The following DNAAF9 variants were observed in gnomAD, a reference collection of about 807,000 sequenced individuals.
DNAAF9 encodes the protein dynein axonemal assembly factor 9, also known as shulin.
DNAAF9 carries 90 observed loss-of-function variants against 167.0 expected under a neutral mutation model. The observed-to-expected ratio is 0.54, with a 90% CI of 0.45 to 0.64. The LOEUF is 0.64. Ranked by LOEUF, DNAAF9 falls within the 30% of genes least tolerant of loss-of-function variation. DNAAF9 has a pLI of 0.00. For missense variants in DNAAF9, 1,315 were observed against 1,442.2 expected, an observed-to-expected ratio of 0.91 and a Z score of 1.43; for synonymous variants, 491 against 508.8, an observed-to-expected ratio of 0.96 and a Z score of 0.47.
At chr20:3,350,926 T>A (rs1369670504) in intron 7 of DNAAF9, among the ~76,000 whole-genome samples, 1 of 152,076 alleles carries the variant, frequency 6.6e-6, no homozygotes, top group Non-Finnish European at 1.5e-5. Context: ...TATATACAAT[T>A]GGAGTAACAC....
intron 29 of DNAAF9, among the ~76,000 whole-genome samples, chr20:3,272,504 C>A (rs953835919): frequency 2.6e-5 from 4 of 152,254 alleles, no homozygotes; most frequent in African/African-American, 7.2e-5. Flanking sequence ...GCTGGGATTA[C>A]GGGCGTGAGC....
chr20:3,378,427 C>T (rs960106307), intron 3 of DNAAF9, among the ~76,000 whole-genome samples: 1 of 152,174 alleles, frequency 6.6e-6, no homozygotes, highest in Non-Finnish European at 1.5e-5. Context: ...CAGCAGCTTA[C>T]AGATTTAAGG....
At position 3,316,781 on chromosome 20, in the gene DNAAF9, G is replaced by A. The variant is rs1341627118; in HGVS notation, c.1481C>T (p.Thr494Ile). The A allele has an allele frequency of 2.4e-5, 38 of 1,612,922 alleles. No individual in the cohort carries two copies. Among genetic ancestry groups the A allele is most frequent in the Non-Finnish European group, 3.1e-5 (37 of 1,179,160 alleles). ...CAGGACTACGGAGCTGGTTTCTGTG[G>A]TAACAGTGCCATCTGCAGGAACACC... ...ILVKEKDGTVTTETSSVVLTA... is the reference protein window; with the variant it reads ...ILVKEKDGTVITETSSVVLTA... Residue 494 changes from threonine to isoleucine, a missense_variant, in exon 18 of 37, where the codon ACC becomes ATC. By Grantham distance (89) the Thr-to-Ile change is moderately conservative. Coordinates refer to ENST00000252032, the MANE Select transcript of DNAAF9 (RefSeq NM_001009984.3).
intron 10 of DNAAF9, among the ~76,000 whole-genome samples, chr20:3,332,900 G>GT (rs1376871054): frequency 0.015 from 2,198 of 146,902 alleles, 33 homozygotes; most frequent in Middle Eastern, 0.024. Flanking sequence ...GTGTGCGTGT[G>GT]GTGTGTGTGT....
chr20:3,252,196 A>T lies in DNAAF9; in HGVS notation c.*376T>A, dbSNP rs1389282942. ...CGCCTCCCAGACACGGCCACAGTTC[A>T]GGCAGCCAGGGTTCCTTCTAAGTCC... On this transcript the variant is annotated 3_prime_UTR_variant, in exon 37 of 37. Coordinates refer to ENST00000252032, the MANE Select transcript of DNAAF9 (RefSeq NM_001009984.3). 1 of 158,930 alleles carries T rather than the reference A, an allele frequency of 6.3e-6. No homozygotes were observed. The highest frequency in any genetic ancestry group is 1.8e-4 in the East Asian group (1 of 5,454). 9.8% of individuals were successfully genotyped at this position (158,930 alleles called of 1,614,324 possible). A position where few individuals can be genotyped will look rare whatever the true frequency, so the allele number is the denominator to read the frequency against.
chr20:3,310,634 G>C (rs557366581), intron 20 of DNAAF9, among the ~76,000 whole-genome samples: 25 of 151,528 alleles, frequency 1.6e-4, no homozygotes, highest in Admixed American at 3.9e-4. Context: ...GCAGTGAGCT[G>C]AGATTGCGCC....
chr20:3,364,079 G>A (rs1878073075), intron 6 of DNAAF9, among the ~76,000 whole-genome samples: 1 of 152,138 alleles, frequency 6.6e-6, no homozygotes, highest in Non-Finnish European at 1.5e-5. Flanking sequence ...TGAGACTACA[G>A]GCACATGGCA....
chr20:3,269,643 G>C (rs147202413), intron 30 of DNAAF9, among the ~76,000 whole-genome samples: 51 of 152,172 alleles, frequency 3.4e-4, no homozygotes, highest in Non-Finnish European at 6.3e-4. Flanking sequence ...GGTCTTCTTG[G>C]TGATTTTTAC....
rs2070244900 is a variant in DNAAF9, at chr20:3,348,574, T to C, written c.740A>G (p.Asp247Gly). ...TTCTAGCAGGAAAGGAATTTCTGTG[T>C]CAAAATTAGCGAAGAAGCTAGTCCA... is the stretch of plus-strand genomic sequence containing the variant. ...HQWTSFFANF[D>G]TEIPFLLELS... Residue 247 changes from aspartate to glycine, a missense_variant, in exon 8 of 37, where the codon GAC (aspartate) becomes GGC (glycine). Around this residue, in one of 2 missense-constraint regions of DNAAF9, gnomAD observed 981 missense variants for 1,012.5 expected, o/e 0.97. Coordinates refer to ENST00000252032, the MANE Select transcript of DNAAF9 (RefSeq NM_001009984.3). 1.2e-6 allele frequency: 2 copies of C among 1,605,594 alleles called. No homozygotes were observed. Among genetic ancestry groups the C allele is most frequent in the Non-Finnish European group, 1.7e-6 (2 of 1,174,968 alleles).
intron 13 of DNAAF9, 121 bp downstream of exon 13, chr20:3,326,076 C>A: frequency 1.4e-6 from 1 of 694,202 alleles, no homozygotes; most frequent in South Asian, 1.9e-5. Context: ...TGCCTGGTGT[C>A]AAAGAGGCCC....
intron 12 of DNAAF9, among the ~76,000 whole-genome samples, chr20:3,329,603 C>T (rs1431263107): frequency 1.3e-5 from 2 of 152,084 alleles, no homozygotes; most frequent in East Asian, 3.9e-4. Flanking sequence ...CTTTGTGGGC[C>T]CTGCCCTAGA....
At chr20:3,310,769 C>T (rs2069401262) in intron 20 of DNAAF9, among the ~76,000 whole-genome samples, 1 of 151,506 alleles carries the variant, frequency 6.6e-6, no homozygotes, top group African/African-American at 2.4e-5. Context: ...AAGCATTTAA[C>T]AGAAGGGAAG....
intron 35 of DNAAF9, 76 bp from the exon 36 acceptor site, chr20:3,253,895 C>G: frequency 1.2e-6 from 1 of 860,904 alleles, no homozygotes; most frequent in Non-Finnish European, 2.0e-6. Context: ...ACAAACAAGT[C>G]TATTTCCCTA....
At chr20:3,314,431 G>A (rs1456279346) in intron 20 of DNAAF9, among the ~76,000 whole-genome samples, 2 of 152,188 alleles carry the variant, frequency 1.3e-5, no homozygotes, top group East Asian at 1.9e-4. Context: ...GGGGTCACAA[G>A]AGCAAGGACT....
At chr20:3,324,773 C>G in intron 14 of DNAAF9, 119 bp downstream of exon 14, 1 of 670,842 alleles carries the variant, frequency 1.5e-6, no homozygotes, top group Non-Finnish European at 2.7e-6. Flanking sequence ...CTTCACACAT[C>G]CCATTATTTT....
At chr20:3,263,378 T>C (rs935814388) in intron 31 of DNAAF9, among the ~76,000 whole-genome samples, 1 of 152,108 alleles carries the variant, frequency 6.6e-6, no homozygotes, top group East Asian at 1.9e-4. Flanking sequence ...ATAATCCAAA[T>C]AAACATGAGA....
chr20:3,373,198 A>G (rs891845115), intron 6 of DNAAF9, among the ~76,000 whole-genome samples: 1 of 152,228 alleles, frequency 6.6e-6, no homozygotes, highest in African/African-American at 2.4e-5. Flanking sequence ...GCCTCCAGTC[A>G]TCTGCTAGGG....
chr20:3,340,454 C>CCCCA, intron 10 of DNAAF9, 50 bp downstream of exon 10: 8 of 1,053,078 alleles, frequency 7.6e-6, no homozygotes, highest in Non-Finnish European at 7.8e-6. Context: ...ACCCCACCCC[C>CCCCA]ACAACTTGAT....
chr20:3,350,636 G>C (rs1177979558), intron 7 of DNAAF9, among the ~76,000 whole-genome samples: 2 of 152,146 alleles, frequency 1.3e-5, no homozygotes, highest in Admixed American at 6.5e-5. Flanking sequence ...ACATTTTAGA[G>C]AACTGACTGA....
Sources: gnomAD v4.1 joint callset for allele counts (sites outside exome capture counted in the v4.1 genomes callset) on GRCh38, gnomAD v4.1.1 for gene constraint, gnomAD v4.1.1 regional missense constraint, MANE v1.5 for transcripts, NCBI Gene and HGNC (gene_info 2026-07-23, HGNC 2026-07-21) for gene names.